ZNF385D: variants seen among roughly 807,000 people sequenced by gnomAD.
The protein encoded by ZNF385D is zinc finger protein 385D, also known as zinc finger protein 659.
A neutral mutation model predicts 35.8 loss-of-function variants in ZNF385D; 15 were observed. That is an observed-to-expected ratio of 0.42 (90% CI 0.28 to 0.64). ZNF385D has a LOEUF of 0.64. Ranked by LOEUF, ZNF385D falls within the 30% of genes least tolerant of loss-of-function variation. ZNF385D has a pLI of 0.23. For synonymous variants in ZNF385D, 212 were observed against 186.8 expected, an observed-to-expected ratio of 1.13 and a Z score of -1.10; for missense variants, 474 against 494.6, an observed-to-expected ratio of 0.96 and a Z score of 0.39.
chr3:21,908,160 A>ATCTC (rs1559743550), intron 3 of ZNF385D, among the ~76,000 whole-genome samples: 1 of 148,670 alleles, frequency 6.7e-6, no homozygotes, highest in African/African-American at 2.5e-5. Flanking sequence ...CTATCTATCT[A>ATCTC]TCTATCTATC....
chr3:22,200,536 G>A (rs6779226), intron 2 of ZNF385D, among the ~76,000 whole-genome samples: 4,366 of 152,048 alleles, frequency 0.029, 211 homozygotes, highest in African/African-American at 0.099. Context: ...ACAGGACCAC[G>A]GTGAAATTAA....
At chr3:22,109,326 A>T (rs183348598) in intron 3 of ZNF385D, among the ~76,000 whole-genome samples, 53 of 152,330 alleles carry the variant, frequency 3.5e-4, no homozygotes, top group Admixed American at 3.4e-3. Context: ...ATATGAACAT[A>T]TAAGGATACA....
At chr3:21,590,347 A>C (rs1293249558) in intron 2 of ZNF385D, among the ~76,000 whole-genome samples, 2 of 152,152 alleles carry the variant, frequency 1.3e-5, no homozygotes, top group Admixed American at 1.3e-4. Context: ...CAGCAGGGAG[A>C]AGCACAAATT....
Position 22,319,012 on chromosome 3 carries a change from C to T in ZNF385D, c.106+53438G>A, listed in dbSNP as rs372111282. Reference sequence around the variant, plus strand: ...TCTTATTAATGACCAAAGAGGTTACCTAAAATGTTTGCAGGGCAGGCTTTT... The same window carrying T: ...TCTTATTAATGACCAAAGAGGTTACTTAAAATGTTTGCAGGGCAGGCTTTT... On this transcript the variant is annotated intron_variant, in intron 2 of 5. Coordinates refer to the ZNF385D transcript ENST00000494108. Among the ~76,000 whole-genome samples, 13 of 152,106 alleles carry T rather than the reference C, an allele frequency of 8.5e-5. No homozygotes were observed. The East Asian group carries it at 2.3e-3, about 27-fold the overall frequency.
At chr3:21,647,942 A>G (rs528073805) in intron 2 of ZNF385D, among the ~76,000 whole-genome samples, 1 of 152,340 alleles carries the variant, frequency 6.6e-6, no homozygotes, top group Admixed American at 6.5e-5. Context: ...ATGCTTTATT[A>G]AAATTTATTT....
At chr3:21,529,885 A>G (rs545417531) in intron 3 of ZNF385D, among the ~76,000 whole-genome samples, 4 of 152,174 alleles carry the variant, frequency 2.6e-5, no homozygotes, top group Non-Finnish European at 5.9e-5. Flanking sequence ...TTATTGCAGA[A>G]AAAGTGATAT....
intron 3 of ZNF385D, among the ~76,000 whole-genome samples, chr3:22,127,638 C>A (rs115108968): frequency 6.6e-6 from 1 of 151,948 alleles, no homozygotes; most frequent in Non-Finnish European, 1.5e-5. Context: ...CCGTGCCTGG[C>A]CCTAAATGTT....
rs146415350 is a variant in ZNF385D, at chr3:22,324,625, A to C, written c.106+47825T>G. ...TTCAGTATGCTCCCCCAAATTATCTATATATTGGAGGAAAACCCAATCAAA... is the reference window on the plus strand; with the variant it reads ...TTCAGTATGCTCCCCCAAATTATCTCTATATTGGAGGAAAACCCAATCAAA... On this transcript the variant is annotated intron_variant, in intron 2 of 5. Coordinates refer to the ZNF385D transcript ENST00000494108. Among the ~76,000 whole-genome samples the C allele has an allele frequency of 2.6e-5, 4 of 152,324 alleles. No homozygotes were observed. In the East Asian group the frequency reaches 7.7e-4, roughly 29 times the overall value.
chr3:21,710,306 T>C lies in ZNF385D; in HGVS notation c.22+40589A>G, dbSNP rs112796924. Among the ~76,000 whole-genome samples the C allele has an allele frequency of 8.4e-3, 1,272 of 152,326 alleles. 15 individuals carry two copies. The highest frequency in any genetic ancestry group is 0.047 in the South Asian group (225 of 4,826). On this transcript the variant is annotated intron_variant, in intron 1 of 7. Coordinates refer to ENST00000281523, the MANE Select transcript of ZNF385D (RefSeq NM_024697.3). ...TTACACTTTTACGAAAATAAATAGA[T>C]AGATACTTGCTTTTTTAGTAAATTG...
chr3:22,134,868 G>A (rs780258317), intron 3 of ZNF385D, among the ~76,000 whole-genome samples: 5 of 152,076 alleles, frequency 3.3e-5, no homozygotes, highest in Admixed American at 1.3e-4. Context: ...GGCCATAATC[G>A]CATTATGACA....
chr3:22,328,992 G>C (rs945578297), intron 2 of ZNF385D, among the ~76,000 whole-genome samples: 1 of 149,778 alleles, frequency 6.7e-6, no homozygotes, highest in Admixed American at 6.7e-5. Context: ...CAGGAGAATG[G>C]CGTGAACCCG....
chr3:22,004,694 T>C (rs1012089400), intron 3 of ZNF385D, among the ~76,000 whole-genome samples: 1 of 152,164 alleles, frequency 6.6e-6, no homozygotes, highest in African/African-American at 2.4e-5. Context: ...CTCAAAGTCA[T>C]CCTTCTGCTC....
In ZNF385D at chr3:21,559,984, C is replaced by G. The variant is rs192871458; in HGVS notation, c.276+4590G>C. Among the ~76,000 whole-genome samples, 51 of 152,254 alleles carry G rather than the reference C, an allele frequency of 3.3e-4. 1 individual carries two copies. The highest frequency in any genetic ancestry group is 3.3e-3 in the South Asian group (16 of 4,828). ...ACTTGTGTATGCCTCACGAAGTTCT[C>G]GTGCTGTATTTTTCAGCTCCATCAC... On this transcript the variant is annotated intron_variant, in intron 3 of 7. Coordinates refer to ENST00000281523, the MANE Select transcript of ZNF385D (RefSeq NM_024697.3).
At chr3:22,302,938 G>C (rs1702986371) in intron 2 of ZNF385D, among the ~76,000 whole-genome samples, 1 of 151,872 alleles carries the variant, frequency 6.6e-6, no homozygotes, top group Non-Finnish European at 1.5e-5. Flanking sequence ...TCTGTTCTTA[G>C]TTTCATAAGA....
chr3:21,458,988 C>T (rs144241367), intron 4 of ZNF385D, among the ~76,000 whole-genome samples: 13 of 152,208 alleles, frequency 8.5e-5, no homozygotes, highest in East Asian at 1.9e-4. Context: ...AAAAGTAATA[C>T]GTTGTGAAAA....
chr3:21,794,328 A>T (rs528728315), intron 3 of ZNF385D, among the ~76,000 whole-genome samples: 1 of 152,054 alleles, frequency 6.6e-6, no homozygotes, highest in Admixed American at 6.6e-5. Flanking sequence ...GTGACTGGAC[A>T]TTCCTGAGGA....
At position 22,028,342 on chromosome 3, in the gene ZNF385D, T is replaced by A. The variant is rs192607807; in HGVS notation, c.325+140475A>T. Among the ~76,000 whole-genome samples, 3 of 152,206 alleles carry A rather than the reference T, an allele frequency of 2.0e-5. No individual in the cohort carries two copies. In the East Asian group the frequency reaches 5.8e-4, roughly 29 times the overall value. On this transcript the variant is annotated intron_variant, in intron 3 of 5. Coordinates refer to the ZNF385D transcript ENST00000494108. ...CCTCTGTCATCGCCCAGTGGGCCCA[T>A]GAAAAAAGTGGCCATGGTGGCAGGG... is the stretch of plus-strand genomic sequence containing the variant.
At chr3:21,716,844 G>T (rs901183994) in intron 1 of ZNF385D, among the ~76,000 whole-genome samples, 1 of 151,932 alleles carries the variant, frequency 6.6e-6, no homozygotes, top group Non-Finnish European at 1.5e-5. Flanking sequence ...AAATTTCCAG[G>T]CTGGTGCGGT....
At chr3:22,188,584 G>A (rs946054540) in intron 2 of ZNF385D, among the ~76,000 whole-genome samples, 1 of 151,922 alleles carries the variant, frequency 6.6e-6, no homozygotes, top group Non-Finnish European at 1.5e-5. Flanking sequence ...CGAGTAGCTG[G>A]GACTACAGGT....
Sources: allele counts gnomAD v4.1 joint callset (sites outside exome capture counted in the v4.1 genomes callset), GRCh38; gene constraint gnomAD v4.1.1; transcripts MANE v1.5; gene names NCBI Gene and HGNC (gene_info 2026-07-23, HGNC 2026-07-21).